KCNH1: variants seen among roughly 807,000 people sequenced by gnomAD.
The protein encoded by KCNH1 is voltage-gated delayed rectifier potassium channel KCNH1.
In KCNH1, 27 loss-of-function variants were observed where a neutral mutation model predicts 69.2. The ratio of observed to expected loss-of-function variants is 0.39; its 90% CI spans 0.29 to 0.54. The LOEUF is 0.54. KCNH1 is among the 20% of genes least tolerant of loss of function. The pLI is 0.68. For missense variants in KCNH1, 798 were observed against 1,261.6 expected (o/e 0.63, Z 5.57); for synonymous variants, 456 against 487.7 (o/e 0.93, Z 0.86).
At chr1:210,706,893 G>T (rs1173340758) in intron 10 of KCNH1, among the ~76,000 whole-genome samples, 1 of 152,240 alleles carries the variant, frequency 6.6e-6, no homozygotes, top group African/African-American at 2.4e-5. Context: ...GGCATTTCCT[G>T]CTTTCTCTCT....
intron 10 of KCNH1, among the ~76,000 whole-genome samples, chr1:210,772,110 C>T (rs1683763302): frequency 6.6e-6 from 1 of 152,216 alleles, no homozygotes; most frequent in Non-Finnish European, 1.5e-5. Context: ...CAAGGTGTCA[C>T]TTCTGGCTCC....
chr1:210,846,108 T>C (rs550979853), intron 7 of KCNH1, among the ~76,000 whole-genome samples: 98 of 152,346 alleles, frequency 6.4e-4, no homozygotes, highest in Admixed American at 1.7e-3. Flanking sequence ...GAACATTCCA[T>C]GCTCATGTGT....
chr1:210,848,886 T>C (rs1380297870), intron 7 of KCNH1, among the ~76,000 whole-genome samples: 4 of 152,198 alleles, frequency 2.6e-5, no homozygotes, highest in East Asian at 1.9e-4. Flanking sequence ...TTAGGTGTTA[T>C]AGAGGTTACA....
At chr1:210,964,070 C>A (rs1296905528) in intron 6 of KCNH1, among the ~76,000 whole-genome samples, 4 of 152,164 alleles carry the variant, frequency 2.6e-5, no homozygotes, top group Non-Finnish European at 5.9e-5. Flanking sequence ...CAAAGGGAAG[C>A]CCATCAGACT....
intron 7 of KCNH1, among the ~76,000 whole-genome samples, chr1:210,835,372 A>G (rs912304735): frequency 2.0e-5 from 3 of 152,226 alleles, no homozygotes; most frequent in African/African-American, 7.2e-5. Flanking sequence ...CTCTAATTAA[A>G]TTTTAACCAG....
chr1:211,125,713 G>C (rs528436312), intron 1 of KCNH1, among the ~76,000 whole-genome samples: 9 of 152,286 alleles, frequency 5.9e-5, no homozygotes, highest in Non-Finnish European at 1.2e-4. Flanking sequence ...ATGGAAGGCC[G>C]TTTCTCTTCT....
intron 7 of KCNH1, among the ~76,000 whole-genome samples, chr1:210,846,147 G>A (rs922857998): frequency 5.7e-4 from 86 of 152,132 alleles, no homozygotes; most frequent in African/African-American, 1.7e-3. Flanking sequence ...GAAAATGGCC[G>A]TACTTCCCAA....
In KCNH1 at chr1:210,934,470, T is replaced by C. The variant is rs536054794; in HGVS notation, c.1033-14401A>G. Among the ~76,000 whole-genome samples the C allele has an allele frequency of 5.3e-5, 8 of 152,182 alleles. No individual in the cohort carries two copies. The South Asian group carries it at 8.3e-4, about 16-fold the overall frequency. On this transcript the variant is annotated intron_variant, in intron 6 of 10. Transcript: ENST00000271751. The stretch of plus-strand genomic sequence containing the variant: ...GAGTTCCAGACCAGCCTGGCCAATA[T>C]GATACCAAAAATACAAAAATTAGCT...
intron 7 of KCNH1, among the ~76,000 whole-genome samples, chr1:210,877,046 G>T (rs924043107): frequency 9.1e-5 from 13 of 143,034 alleles, no homozygotes; most frequent in Non-Finnish European, 1.5e-4. Flanking sequence ...AGTCAATTTA[G>T]GATGACTTTA....
chr1:211,036,643 A>G (rs1689903729), intron 5 of KCNH1, among the ~76,000 whole-genome samples: 1 of 152,196 alleles, frequency 6.6e-6, no homozygotes, highest in African/African-American at 2.4e-5. Flanking sequence ...TTAGACGCTC[A>G]ATGAGATTTC....
At chr1:211,048,701 T>C (rs1409096385) in intron 5 of KCNH1, among the ~76,000 whole-genome samples, 1 of 152,002 alleles carries the variant, frequency 6.6e-6, no homozygotes, top group African/African-American at 2.4e-5. Context: ...TGGGGAATAA[T>C]GGGGGAGTGA....
At chr1:210,860,294 A>G (rs1685949503) in intron 7 of KCNH1, 1 of 1,354,100 alleles carries the variant, frequency 7.4e-7, no homozygotes, top group East Asian at 2.3e-5. Context: ...ACTTGTTGAC[A>G]TGTCAGGCTA....
Position 210,838,200 on chromosome 1 carries a change from C to A in KCNH1, c.1463-34034G>T, listed in dbSNP as rs115294510. 2.9e-3 allele frequency among the ~76,000 whole-genome samples: 445 copies of A among 152,244 alleles called. 3 individuals are homozygous for A. The highest frequency in any genetic ancestry group is 5.3e-3 in the Non-Finnish European group (361 of 68,032). On this transcript the variant is annotated intron_variant, in intron 7 of 10. Transcript: ENST00000271751. The stretch of plus-strand genomic sequence containing the variant: ...CAGAAACAGGACCACACAGCTACAA[C>A]CATCTGATCTTGGACAAACCTGACA...
chr1:210,824,525 T>G (rs1684998236), intron 7 of KCNH1, among the ~76,000 whole-genome samples: 1 of 152,154 alleles, frequency 6.6e-6, no homozygotes, highest in Non-Finnish European at 1.5e-5. Context: ...CATTGCCAAA[T>G]CTTTTTAATG....
chr1:210,695,273 T>TC (rs1302421557), intron 10 of KCNH1, among the ~76,000 whole-genome samples: 1 of 152,214 alleles, frequency 6.6e-6, no homozygotes, highest in East Asian at 1.9e-4. Context: ...TGGGAGATGC[T>TC]CTGTTGAATG....
intron 2 of KCNH1, among the ~76,000 whole-genome samples, chr1:211,105,606 T>G (rs1185256576): frequency 1.3e-5 from 2 of 152,226 alleles, no homozygotes; most frequent in Non-Finnish European, 2.9e-5. Flanking sequence ...TGCTAAAAAC[T>G]GTGCATAAAA....
In KCNH1 at chr1:210,681,441, A is replaced by T. The variant is rs1268590467; in HGVS notation, c.*1840T>A. On this transcript the variant is annotated 3_prime_UTR_variant, in exon 11 of 11. Transcript: ENST00000271751. ...AGCCTGATGTGAGAAGCTACATATG[A>T]GGTTAGGGCTCATGGAGCAGGACTC... 1.3e-5 allele frequency: 2 copies of T among 152,110 alleles called. No homozygotes were observed. Among genetic ancestry groups the T allele is most frequent in the African/African-American group, 4.8e-5 (2 of 41,418 alleles). 9.4% of individuals were successfully genotyped at this position (152,110 alleles called of 1,614,324 possible).
intron 8 of KCNH1, among the ~76,000 whole-genome samples, chr1:210,799,680 A>G (rs537852127): frequency 6.6e-6 from 1 of 152,364 alleles, no homozygotes; most frequent in East Asian, 1.9e-4. Flanking sequence ...AGCTAGGGGC[A>G]TAAAATCAAA....
chr1:211,034,529 T>C (rs1304841037), intron 5 of KCNH1, among the ~76,000 whole-genome samples: 1 of 152,096 alleles, frequency 6.6e-6, no homozygotes, highest in Non-Finnish European at 1.5e-5. Context: ...AATATCCAGG[T>C]TGTGATATTG....
Sources: allele counts gnomAD v4.1 joint callset (sites outside exome capture counted in the v4.1 genomes callset), GRCh38; gene constraint gnomAD v4.1.1; transcripts MANE v1.5; gene names NCBI Gene and HGNC (gene_info 2026-07-23, HGNC 2026-07-21).